Variants in NSMAF observed in about 807,000 individuals in gnomAD.
NSMAF encodes neutral sphingomyelinase activation associated factor.
A neutral mutation model predicts 134.9 loss-of-function variants in NSMAF; 90 were observed. The ratio of observed to expected loss-of-function variants is 0.67; its 90% confidence interval spans 0.56 to 0.79. The LOEUF (loss-of-function observed/expected upper bound fraction) is 0.79. NSMAF is among the 30% of genes least tolerant of loss of function. NSMAF has a pLI of 0.00. For missense variants in NSMAF, 1,010 were observed against 1,119.0 expected, an observed-to-expected ratio of 0.90 and a Z score of 1.39; for synonymous variants, 358 against 389.6, an observed-to-expected ratio of 0.92 and a Z score of 0.96.
chr8:58,658,846 C>A (rs1337803944), intron 1 of NSMAF, among the ~76,000 whole-genome samples: 1 of 152,182 alleles, frequency 6.6e-6, no homozygotes, highest in African/African-American at 2.4e-5. Context: ...GATCCCAAAT[C>A]CTTACTGGGA....
intron 1 of NSMAF, among the ~76,000 whole-genome samples, chr8:58,658,509 A>G (rs886945865): frequency 6.6e-6 from 1 of 152,246 alleles, no homozygotes; most frequent in South Asian, 2.1e-4. Flanking sequence ...GTCAACCCTT[A>G]TAAAACAAGT....
rs778165274 is a variant in NSMAF, at chr8:58,584,086, T to C, written c.*20A>G. Reference sequence around the variant, plus strand: ...GCATTAAATAGAGTTCAATTTAATATTCAGGAGAGGAAAAGGCACTTAATA... The same window carrying C: ...GCATTAAATAGAGTTCAATTTAATACTCAGGAGAGGAAAAGGCACTTAATA... On this transcript the variant is annotated 3_prime_UTR_variant, in exon 31 of 31. Transcript: ENST00000038176. 5 of 1,564,910 alleles carry C rather than the reference T, an allele frequency of 3.2e-6. No homozygotes were observed. The highest frequency in any genetic ancestry group is 4.4e-6 in the Non-Finnish European group (5 of 1,135,370).
intron 6 of NSMAF, among the ~76,000 whole-genome samples, chr8:58,630,638 C>T (rs557473908): frequency 6.6e-6 from 1 of 152,226 alleles, no homozygotes; most frequent in African/African-American, 2.4e-5. Flanking sequence ...TAAGTGACAG[C>T]CCCACACAAT....
intron 19 of NSMAF, among the ~76,000 whole-genome samples, chr8:58,598,507 A>AAAAAG (rs1806193958): frequency 8.1e-6 from 1 of 123,482 alleles, no homozygotes; most frequent in Non-Finnish European, 1.8e-5. Flanking sequence ...AAAAAAAAAA[A>AAAAAG]AAAAGAAAAA....
chr8:58,619,248 G>T (rs545075454), intron 9 of NSMAF, among the ~76,000 whole-genome samples: 3 of 152,268 alleles, frequency 2.0e-5, no homozygotes, highest in African/African-American at 7.2e-5. Flanking sequence ...TTACTGGCCA[G>T]ATGGCCTTAC....
At chr8:58,620,547 G>C (rs1319252062) in intron 9 of NSMAF, among the ~76,000 whole-genome samples, 1 of 152,068 alleles carries the variant, frequency 6.6e-6, no homozygotes, top group Non-Finnish European at 1.5e-5. Context: ...GCCTTTTATT[G>C]TATCACTTTC....
intron 2 of NSMAF, 94 bp from the exon 3 acceptor site, chr8:58,635,640 C>A: frequency 1.4e-6 from 1 of 739,084 alleles, no homozygotes; most frequent in Non-Finnish European, 2.3e-6. Context: ...GTTACTAAAG[C>A]ATCACATAAT....
At chr8:58,596,343 G>A (rs1806134303) in intron 21 of NSMAF, among the ~76,000 whole-genome samples, 1 of 152,156 alleles carries the variant, frequency 6.6e-6, no homozygotes, top group South Asian at 2.1e-4. Flanking sequence ...GATGTCCTTG[G>A]AACAGACAGG....
intron 12 of NSMAF, among the ~76,000 whole-genome samples, chr8:58,604,624 G>A (rs1806362942): frequency 6.6e-6 from 1 of 151,316 alleles, no homozygotes; most frequent in African/African-American, 2.4e-5. Flanking sequence ...ATTCCTCCTT[G>A]AAGTAAAATT....
chr8:58,587,752 C>T, intron 26 of NSMAF, 51 bp from the exon 27 acceptor site: 1 of 1,514,940 alleles, frequency 6.6e-7, no homozygotes, highest in Non-Finnish European at 9.1e-7. Context: ...AACAAAAAGT[C>T]ATTTTCTAGT....
At chr8:58,590,771 CAATTGTTTTGGGAGA>C in intron 24 of NSMAF, 81 bp downstream of exon 24, 1 of 1,253,360 alleles carries the variant, frequency 8.0e-7, no homozygotes, top group South Asian at 1.4e-5. Flanking sequence ...GGAATAAACT[CAATTGTTTTGGGAGA>C]AATAAAGTAT....
chr8:58,647,470 C>G (rs1807484567), intron 1 of NSMAF, among the ~76,000 whole-genome samples: 1 of 152,206 alleles, frequency 6.6e-6, no homozygotes, highest in Non-Finnish European at 1.5e-5. Flanking sequence ...GTTCTGTCCT[C>G]TCCATATGTC....
intron 1 of NSMAF, 162 bp downstream of exon 1, chr8:58,659,411 G>A (rs1191700727): frequency 1.3e-6 from 2 of 1,512,850 alleles, no homozygotes; most frequent in Non-Finnish European, 8.8e-7. Context: ...CCGACCTCAG[G>A]TTTCCGCCAC....
chr8:58,645,481 G>T (rs1807426474), intron 1 of NSMAF, among the ~76,000 whole-genome samples: 1 of 152,084 alleles, frequency 6.6e-6, no homozygotes, highest in Non-Finnish European at 1.5e-5. Flanking sequence ...AAAAAGCCAG[G>T]TCTCTACAAC....
chr8:58,606,553 C>A (rs1379384599), intron 11 of NSMAF, among the ~76,000 whole-genome samples: 2 of 152,162 alleles, frequency 1.3e-5, no homozygotes, highest in Non-Finnish European at 2.9e-5. Flanking sequence ...GTAGCTAAGG[C>A]TACAGGCGCA....
chr8:58,640,868 G>T (rs60504120), intron 2 of NSMAF, among the ~76,000 whole-genome samples: 4,351 of 151,344 alleles, frequency 0.029, 241 homozygotes, highest in East Asian at 0.23. Context: ...CACCTGAACT[G>T]TTTCATTTTC....
intron 6 of NSMAF, among the ~76,000 whole-genome samples, chr8:58,625,170 T>C (rs1265845196): frequency 6.6e-6 from 1 of 152,174 alleles, no homozygotes; most frequent in Admixed American, 6.5e-5. Context: ...ACACTCTTTC[T>C]TCCTGTCTTC....
At chr8:58,588,671 T>C (rs1805950805) in intron 26 of NSMAF, 28 of 1,545,534 alleles carry the variant, frequency 1.8e-5, no homozygotes, top group Admixed American at 3.3e-5. Flanking sequence ...GCCTTGTCCT[T>C]GGGCATGCAT....
At chr8:58,614,437 G>A (rs1384412724) in intron 9 of NSMAF, among the ~76,000 whole-genome samples, 1 of 152,206 alleles carries the variant, frequency 6.6e-6, no homozygotes, top group Non-Finnish European at 1.5e-5. Context: ...GCAGGCCTGA[G>A]TTACGGCCAC....
Sources: allele counts gnomAD v4.1 joint callset (sites outside exome capture counted in the v4.1 genomes callset), GRCh38; gene constraint gnomAD v4.1.1; transcripts MANE v1.5; gene names NCBI Gene and HGNC (gene_info 2026-07-23, HGNC 2026-07-21).